Variants in CTNNA3 observed in about 807,000 individuals in gnomAD.
CTNNA3 encodes catenin alpha-3.
Under a neutral mutation model 95.7 loss-of-function variants are expected in CTNNA3, and 76 were observed. The observed-to-expected ratio is 0.79, with a 90% CI of 0.66 to 0.96. The LOEUF is 0.96. CTNNA3 is among the 40% of genes least tolerant of loss of function. CTNNA3 has a pLI of 0.00. For missense variants in CTNNA3, 1,191 were observed against 1,089.8 expected, an observed-to-expected ratio of 1.09 and a Z score of -1.31; for synonymous variants, 431 against 374.4, an observed-to-expected ratio of 1.15 and a Z score of -1.74.
In CTNNA3 at chr10:67,317,171, GTT is replaced by G. The variant is rs60977545; in HGVS notation, c.580-97303_580-97302del. ...ATATCATCGGGTTTTGTTTTGTTTTGTTTTTTTCTTTTTGTTTTTTTCTTTTT... is the reference window on the plus strand; with the variant it reads ...ATATCATCGGGTTTTGTTTTGTTTTGTTTTTCTTTTTGTTTTTTTCTTTTT... On this transcript the variant is annotated intron_variant, in intron 5 of 17. Transcript: ENST00000433211. 8.1e-4 allele frequency among the ~76,000 whole-genome samples: 123 copies of G among 151,426 alleles called. 2 individuals carry two copies. In the East Asian group the frequency reaches 0.023, roughly 29 times the overall value.
chr10:67,314,413 G>A (rs954620485), intron 5 of CTNNA3, among the ~76,000 whole-genome samples: 6 of 152,176 alleles, frequency 3.9e-5, no homozygotes, highest in South Asian at 4.2e-4. Context: ...GCAATCATTC[G>A]TGTGTCACAT....
intron 10 of CTNNA3, among the ~76,000 whole-genome samples, chr10:66,551,717 T>TC (rs1842221039): frequency 6.6e-6 from 1 of 151,976 alleles, no homozygotes. Context: ...TAGTAGGCAT[T>TC]TAACTCAAGT....
At chr10:67,360,560 A>G (rs1468974300) in intron 5 of CTNNA3, among the ~76,000 whole-genome samples, 1 of 152,136 alleles carries the variant, frequency 6.6e-6, no homozygotes, top group African/African-American at 2.4e-5. Context: ...AATACCTGAG[A>G]CTGGGTAATT....
At chr10:66,085,072 T>C (rs1395147534) in intron 14 of CTNNA3, 1 of 152,116 alleles carries the variant, frequency 6.6e-6, no homozygotes, top group African/African-American at 2.4e-5. Flanking sequence ...AGAATTAAGA[T>C]AGAAGAGCTT....
At chr10:66,131,829 T>G (rs2083118904) in intron 13 of CTNNA3, among the ~76,000 whole-genome samples, 1 of 152,294 alleles carries the variant, frequency 6.6e-6, no homozygotes, top group African/African-American at 2.4e-5. Flanking sequence ...TAAAAGGTGC[T>G]GGGATAACAG....
chr10:66,294,811 G>A (rs1444379918), intron 12 of CTNNA3, among the ~76,000 whole-genome samples: 1 of 151,974 alleles, frequency 6.6e-6, no homozygotes, highest in African/African-American at 2.4e-5. Flanking sequence ...AGGAAGTCTC[G>A]ATGGGTTAAT....
intron 7 of CTNNA3, among the ~76,000 whole-genome samples, chr10:66,842,066 G>A (rs1843083553): frequency 6.6e-6 from 1 of 151,996 alleles, no homozygotes; most frequent in African/African-American, 2.4e-5. Flanking sequence ...AAGTAGTTGG[G>A]ACCACAGCAC....
intron 1 of CTNNA3, among the ~76,000 whole-genome samples, chr10:67,720,657 T>C (rs1841174823): frequency 6.6e-6 from 1 of 152,120 alleles, no homozygotes. Context: ...GAAAATTCTT[T>C]TCTTTAAGAA....
At position 66,574,937 on chromosome 10, in the gene CTNNA3, A is replaced by G. The variant is rs531490943; in HGVS notation, c.1374+46755T>C. Among the ~76,000 whole-genome samples, 8 of 152,278 alleles carry G rather than the reference A, an allele frequency of 5.3e-5. No individual in the cohort carries two copies. The South Asian group carries it at 1.7e-3, about 32-fold the overall frequency. ...GTTGGATGTCCCAAGAAGCCACTTA[A>G]CTATGGGTGTGATTGTCTATTCAAG... On this transcript the variant is annotated intron_variant, in intron 10 of 17. Coordinates refer to ENST00000433211, the MANE Select transcript of CTNNA3 (RefSeq NM_013266.4).
chr10:66,884,824 G>C (rs1338982005), intron 7 of CTNNA3, among the ~76,000 whole-genome samples: 2 of 152,134 alleles, frequency 1.3e-5, no homozygotes, highest in African/African-American at 4.8e-5. Flanking sequence ...TGATGCATTA[G>C]AGTTTGGGCA....
intron 13 of CTNNA3, among the ~76,000 whole-genome samples, chr10:66,256,510 G>A (rs1162107008): frequency 6.9e-6 from 1 of 145,828 alleles, no homozygotes; most frequent in African/African-American, 2.5e-5. Context: ...ACCTGAGTTT[G>A]GGAGTTCGAG....
intron 7 of CTNNA3, among the ~76,000 whole-genome samples, chr10:67,013,912 G>A (rs895345181): frequency 1.3e-5 from 2 of 152,088 alleles, no homozygotes; most frequent in African/African-American, 4.8e-5. Flanking sequence ...GCCATTTGGG[G>A]TGTGAAAAGG....
chr10:67,137,902 T>G (rs1860373585), intron 7 of CTNNA3, among the ~76,000 whole-genome samples: 1 of 151,378 alleles, frequency 6.6e-6, no homozygotes, highest in Admixed American at 6.6e-5. Context: ...ATTTAGTATG[T>G]AATTTATTTT....
intron 7 of CTNNA3, among the ~76,000 whole-genome samples, chr10:66,959,062 C>G (rs138716059): frequency 6.6e-6 from 1 of 152,082 alleles, no homozygotes; most frequent in South Asian, 2.1e-4. Flanking sequence ...TCCTGCCAAG[C>G]GCTGGTATCC....
At chr10:67,354,071 A>T (rs1416986402) in intron 5 of CTNNA3, among the ~76,000 whole-genome samples, 17 of 152,062 alleles carry the variant, frequency 1.1e-4, no homozygotes, top group Admixed American at 1.1e-3. Context: ...GCACAAGGCT[A>T]GCTTTCTAAA....
chr10:67,216,337 G>C lies in CTNNA3; in HGVS notation c.843+3270C>G, dbSNP rs187955510. ...CTTACCACAGAAAGGATTCTGAGCA[G>C]TGTATCACTTACATGTGCTTCTGGT... On this transcript the variant is annotated intron_variant, in intron 6 of 17. Transcript: ENST00000433211. 2.6e-5 allele frequency among the ~76,000 whole-genome samples: 4 copies of C among 152,272 alleles called. No individual in the cohort carries two copies. In the East Asian group the frequency reaches 7.7e-4, roughly 29 times the overall value.
chr10:66,830,811 G>A (rs922820842), intron 7 of CTNNA3, among the ~76,000 whole-genome samples: 2 of 151,812 alleles, frequency 1.3e-5, no homozygotes, highest in Non-Finnish European at 2.9e-5. Context: ...GGGTTTCACC[G>A]TGTTAGCCAG....
At chr10:67,613,629 G>GC (rs60385545) in intron 2 of CTNNA3, among the ~76,000 whole-genome samples, 2,074 of 150,888 alleles carry the variant, frequency 0.014, 49 homozygotes, top group African/African-American at 0.045. Context: ...GTCTTTTTTT[G>GC]CCCCCCCCAA....
intron 9 of CTNNA3, among the ~76,000 whole-genome samples, chr10:66,717,080 G>T (rs746598254): frequency 6.6e-6 from 1 of 151,200 alleles, no homozygotes; most frequent in South Asian, 2.1e-4. Flanking sequence ...CCATAAGAAG[G>T]GATTCTGCCT....
Sources: allele counts gnomAD v4.1 joint callset (sites outside exome capture counted in the v4.1 genomes callset), GRCh38; gene constraint gnomAD v4.1.1; transcripts MANE v1.5; gene names NCBI Gene and HGNC (gene_info 2026-07-23, HGNC 2026-07-21).